The following KLHL29 variants were observed in gnomAD, a reference collection of about 807,000 sequenced individuals.
KLHL29 encodes the protein kelch like family member 29, also known as kelch-like protein 29.
In KLHL29, 21 loss-of-function variants were observed where a neutral mutation model predicts 80.4. That is an observed-to-expected ratio of 0.26 (90% CI 0.19 to 0.38). The LOEUF is 0.38. Among genes scored for constraint, KLHL29 ranks in the 10% least tolerant of loss-of-function variants. The pLI is 1.00. For synonymous variants in KLHL29, 511 were observed against 526.8 expected (o/e 0.97, Z 0.41); for missense variants, 867 against 1,223.9 (o/e 0.71, Z 4.35).
At chr2:23,414,555 C>T (rs1303469925) in intron 1 of KLHL29, among the ~76,000 whole-genome samples, 1 of 152,178 alleles carries the variant, frequency 6.6e-6, no homozygotes, top group African/African-American at 2.4e-5. Flanking sequence ...AGAGGTCACA[C>T]AGGGAGAGCA....
chr2:23,412,410 G>A (rs763293567), intron 1 of KLHL29, among the ~76,000 whole-genome samples: 4 of 152,184 alleles, frequency 2.6e-5, no homozygotes, highest in Non-Finnish European at 5.9e-5. Flanking sequence ...GGGCACTGGG[G>A]GACAGAGAAG....
chr2:23,476,061 G>C (rs1664633163), intron 2 of KLHL29, among the ~76,000 whole-genome samples: 1 of 152,044 alleles, frequency 6.6e-6, no homozygotes, highest in Non-Finnish European at 1.5e-5. Context: ...GTGCTATCAC[G>C]ACATGGTTTC....
intron 2 of KLHL29, among the ~76,000 whole-genome samples, chr2:23,553,658 C>T (rs1237840147): frequency 1.3e-5 from 2 of 152,220 alleles, no homozygotes; most frequent in Non-Finnish European, 2.9e-5. Context: ...AATATAAATG[C>T]AGACGGACCT....
At chr2:23,418,617 G>A (rs968471682) in intron 1 of KLHL29, among the ~76,000 whole-genome samples, 2 of 152,158 alleles carry the variant, frequency 1.3e-5, no homozygotes, top group African/African-American at 2.4e-5. Flanking sequence ...ATTTAGCCCT[G>A]TGCTAAACAG....
intron 2 of KLHL29, among the ~76,000 whole-genome samples, chr2:23,539,963 C>T (rs1572388255): frequency 6.6e-6 from 1 of 152,176 alleles, no homozygotes; most frequent in Non-Finnish European, 1.5e-5. Flanking sequence ...GACCTCCATC[C>T]TCCTCTGTAA....
At chr2:23,417,621 GCTCTGTACCCAGGCAGC>G (rs1053533405) in intron 1 of KLHL29, among the ~76,000 whole-genome samples, 5 of 152,154 alleles carry the variant, frequency 3.3e-5, no homozygotes. Context: ...GTGGATGGAG[GCTCTGTACCCAGGCAGC>G]CTTGACCCTG....
intron 3 of KLHL29, among the ~76,000 whole-genome samples, chr2:23,567,381 T>C (rs1278760467): frequency 6.6e-6 from 1 of 152,036 alleles, no homozygotes; most frequent in Non-Finnish European, 1.5e-5. Context: ...TGAAAATAAA[T>C]CTAGCTGGGA....
intron 2 of KLHL29, among the ~76,000 whole-genome samples, chr2:23,542,168 C>A (rs1012197892): frequency 6.6e-6 from 1 of 152,206 alleles, no homozygotes; most frequent in Non-Finnish European, 1.5e-5. Context: ...AAAATAGCCT[C>A]TCAGAATTTA....
chr2:23,614,286 A>G (rs1035932077), intron 3 of KLHL29, among the ~76,000 whole-genome samples: 3 of 152,240 alleles, frequency 2.0e-5, no homozygotes, highest in Non-Finnish European at 4.4e-5. Context: ...GACACATGTC[A>G]TCAGGACCTC....
At chr2:23,459,107 C>G (rs1664140665) in intron 1 of KLHL29, among the ~76,000 whole-genome samples, 1 of 152,116 alleles carries the variant, frequency 6.6e-6, no homozygotes, top group South Asian at 2.1e-4. Context: ...AAAGCCTCCA[C>G]AGGATGGCTC....
intron 2 of KLHL29, among the ~76,000 whole-genome samples, chr2:23,536,398 G>A (rs1210797514): frequency 6.6e-6 from 1 of 152,222 alleles, no homozygotes; most frequent in Non-Finnish European, 1.5e-5. Flanking sequence ...CTCCTGGCCT[G>A]TAATTCAGAA....
intron 3 of KLHL29, among the ~76,000 whole-genome samples, chr2:23,566,182 A>G (rs1473230806): frequency 2.0e-5 from 3 of 152,250 alleles, no homozygotes; most frequent in African/African-American, 7.2e-5. Context: ...CAGTTGGACA[A>G]GCAGACTCCT....
intron 1 of KLHL29, among the ~76,000 whole-genome samples, chr2:23,426,998 G>T (rs1663022782): frequency 6.6e-6 from 1 of 152,196 alleles, no homozygotes; most frequent in Non-Finnish European, 1.5e-5. Context: ...ATAGAGTGAT[G>T]TGGATTTGAG....
intron 2 of KLHL29, among the ~76,000 whole-genome samples, chr2:23,495,229 C>G (rs1250075182): frequency 6.6e-6 from 1 of 152,014 alleles, no homozygotes; most frequent in Non-Finnish European, 1.5e-5. Flanking sequence ...GATGTGAGGG[C>G]CTGCAGGAGG....
At chr2:23,420,392 A>G (rs1662764841) in intron 1 of KLHL29, among the ~76,000 whole-genome samples, 1 of 152,092 alleles carries the variant, frequency 6.6e-6, no homozygotes, top group Non-Finnish European at 1.5e-5. Flanking sequence ...CACTTAAGCT[A>G]TGTCAAGGAA....
chr2:23,649,910 A>G (rs1436776926), intron 5 of KLHL29, among the ~76,000 whole-genome samples: 1 of 152,188 alleles, frequency 6.6e-6, no homozygotes, highest in Non-Finnish European at 1.5e-5. Context: ...TCAGTGACAC[A>G]CGGAGGCCAC....
intron 1 of KLHL29, among the ~76,000 whole-genome samples, chr2:23,439,731 G>C (rs372809227): frequency 1.3e-5 from 2 of 150,608 alleles, no homozygotes; most frequent in African/African-American, 2.4e-5. Context: ...TTACTTCCAA[G>C]TATGTGGTCA....
intron 2 of KLHL29, among the ~76,000 whole-genome samples, chr2:23,544,368 A>C (rs961461987): frequency 3.3e-5 from 5 of 152,184 alleles, no homozygotes; most frequent in African/African-American, 1.2e-4. Flanking sequence ...CCTGGGCGTG[A>C]ATCCTCCTCT....
chr2:23,478,486 C>T (rs563583682), intron 2 of KLHL29, among the ~76,000 whole-genome samples: 5 of 152,246 alleles, frequency 3.3e-5, no homozygotes, highest in East Asian at 3.9e-4. Context: ...TGGAGGGCTG[C>T]GCTCTGCTTT....
Sources: allele counts gnomAD v4.1 joint callset (sites outside exome capture counted in the v4.1 genomes callset), GRCh38; gene constraint gnomAD v4.1.1; transcripts MANE v1.5; gene names NCBI Gene and HGNC (gene_info 2026-07-23, HGNC 2026-07-21).